The following CFI variants were observed in gnomAD, a reference collection of about 807,000 sequenced individuals.
CFI encodes the protein complement factor I, also known as C3B/C4B inactivator.
Under a neutral mutation model 78.8 loss-of-function variants are expected in CFI, and 66 were observed. The observed-to-expected ratio is 0.84, with a 90% CI of 0.69 to 1.03. The LOEUF is 1.03. Among genes scored for constraint, CFI ranks in the 50% least tolerant of loss-of-function variants. The pLI is 0.00. For missense variants in CFI, 706 were observed against 704.5 expected (o/e 1.00, Z -0.02); for synonymous variants, 250 against 232.6 (o/e 1.07, Z -0.68).
intron 1 of CFI, among the ~76,000 whole-genome samples, chr4:109,788,557 T>A (rs990229883): frequency 1.5e-4 from 23 of 152,134 alleles, no homozygotes; most frequent in African/African-American, 5.3e-4. Flanking sequence ...TCTTTATATA[T>A]TAAAGAAACC....
At chr4:109,756,381 A>G (rs560394753) in intron 7 of CFI, among the ~76,000 whole-genome samples, 15 of 96,902 alleles carry the variant, frequency 1.5e-4, no homozygotes, top group Non-Finnish European at 2.8e-4. Context: ...GGACGAGGGA[A>G]GAGATGGAAG....
Position 109,800,321 on chromosome 4 carries a change from GTTTTTTTTTTT to G in CFI, c.57+1583_57+1593del, listed in dbSNP as rs554145445. ...GTTGACTGAAATATTTGGCTTCTCT[GTTTTTTTTTTT>G]TTTTTTTTTTTTTTTTTGAGACAGG... On this transcript the variant is annotated intron_variant, in intron 1 of 12. Coordinates refer to ENST00000394634, the MANE Select transcript of CFI (RefSeq NM_000204.5). Among the ~76,000 whole-genome samples the G allele has an allele frequency of 1.2e-3, 57 of 48,826 alleles. 1 individual carries two copies. The South Asian group carries it at 0.034, about 29-fold the overall frequency. The allele number at this position is 48,826 out of a possible 152,430, so 32.0% of individuals were successfully genotyped here. A position where few individuals can be genotyped will look rare whatever the true frequency, so the allele number is the denominator to read the frequency against.
intron 1 of CFI, among the ~76,000 whole-genome samples, chr4:109,774,715 T>A (rs991436738): frequency 2.0e-5 from 3 of 152,112 alleles, no homozygotes; most frequent in African/African-American, 4.8e-5. Context: ...TAAAGGAGAC[T>A]GAGAATATGT....
chr4:109,770,879 C>T lies in CFI; in HGVS notation c.58-4055G>A, dbSNP rs113197615. 9.1e-4 allele frequency among the ~76,000 whole-genome samples: 138 copies of T among 152,160 alleles called. 1 individual carries two copies. The highest frequency in any genetic ancestry group is 3.2e-3 in the African/African-American group (132 of 41,502). On this transcript the variant is annotated intron_variant, in intron 1 of 12. Transcript: ENST00000394634. ...CCAGAAAAGCTTAGGAACTGGGGGA[C>T]CTAGTACCTCTGAAGAAGGAGTGGC...
chr4:109,788,740 G>C (rs1453176510), intron 1 of CFI, among the ~76,000 whole-genome samples: 1 of 151,852 alleles, frequency 6.6e-6, no homozygotes, highest in Non-Finnish European at 1.5e-5. Context: ...TTTTTAAATG[G>C]AAATTCAGAT....
chr4:109,793,281 G>A (rs1008473249), intron 1 of CFI: 1 of 152,084 alleles, frequency 6.6e-6, no homozygotes, highest in African/African-American at 2.4e-5. Context: ...TTATTGTCAT[G>A]TTACATCTTT....
At chr4:109,769,000 ATC>A (rs1196981838) in intron 1 of CFI, among the ~76,000 whole-genome samples, 1 of 152,014 alleles carries the variant, frequency 6.6e-6, no homozygotes, top group Non-Finnish European at 1.5e-5. Flanking sequence ...GGTTCCACGT[ATC>A]TCTTTTTGGC....
At chr4:109,752,863 T>C (rs528027198) in intron 7 of CFI, among the ~76,000 whole-genome samples, 19 of 133,328 alleles carry the variant, frequency 1.4e-4, no homozygotes, top group Admixed American at 6.5e-4. Flanking sequence ...GGGTGTTTTG[T>C]ATATATATAT....
downstream of CFI, among the ~76,000 whole-genome samples, chr4:109,739,347 T>C (rs1157202111): frequency 6.6e-6 from 1 of 151,950 alleles, no homozygotes; most frequent in Non-Finnish European, 1.5e-5. Flanking sequence ...GGTAGGGATG[T>C]AGCCAGAAGG....
intron 6 of CFI, 31 bp from the exon 7 acceptor site, chr4:109,757,814 A>T: frequency 7.6e-7 from 1 of 1,319,710 alleles, no homozygotes; most frequent in South Asian, 1.2e-5. Flanking sequence ...AAATTTATCA[A>T]AGGATAATTT....
At chr4:109,733,081 C>T in the CFI span, among the ~76,000 whole-genome samples, 1 of 151,802 alleles carries the variant, frequency 6.6e-6, no homozygotes, top group Non-Finnish European at 1.5e-5. Flanking sequence ...AAGCTATTTT[C>T]CTGCCTCAGC....
intron 1 of CFI, among the ~76,000 whole-genome samples, chr4:109,791,385 G>T (rs142627014): frequency 1.3e-5 from 2 of 151,224 alleles, no homozygotes; most frequent in African/African-American, 4.9e-5. Flanking sequence ...TCTCCCATCC[G>T]TAGGGTGTCT....
intron 9 of CFI, 67 bp from the exon 10 acceptor site, chr4:109,749,388 T>A: frequency 6.6e-7 from 1 of 1,518,838 alleles, no homozygotes; most frequent in Admixed American, 1.7e-5. Context: ...CCTAAGATAT[T>A]TCCATGGCAA....
intron 1 of CFI, among the ~76,000 whole-genome samples, chr4:109,775,363 G>A (rs1487228460): frequency 2.0e-5 from 3 of 152,224 alleles, no homozygotes; most frequent in Admixed American, 2.0e-4. Context: ...CCCGTGCCTG[G>A]CTCGGAGGGT....
intron 11 of CFI, among the ~76,000 whole-genome samples, chr4:109,744,713 C>A (rs1302994840): frequency 6.6e-6 from 1 of 152,128 alleles, no homozygotes; most frequent in Admixed American, 6.6e-5. Flanking sequence ...CTACGTATAT[C>A]TTTGTAATGA....
At chr4:109,766,436 G>GAA in intron 2 of CFI, 118 bp downstream of exon 2, 1 of 1,210,838 alleles carries the variant, frequency 8.3e-7, no homozygotes. Context: ...TGAGAGTCTA[G>GAA]AAAAAAATTT....
At chr4:109,752,284 AAGAATCAT>A (rs773875109) in intron 8 of CFI, among the ~76,000 whole-genome samples, 176 bp downstream of exon 8, 11 of 152,190 alleles carry the variant, frequency 7.2e-5, no homozygotes, top group Non-Finnish European at 1.0e-4. Flanking sequence ...AGCAATTCTC[AAGAATCAT>A]TTAAGCTTGC....
intron 1 of CFI, among the ~76,000 whole-genome samples, chr4:109,775,397 A>G (rs1729096058): frequency 1.3e-5 from 2 of 152,148 alleles, no homozygotes; most frequent in South Asian, 4.1e-4. Context: ...AGCCCCACTC[A>G]TTGCTAGCAC....
At chr4:109,770,684 A>G (rs1451251784) in intron 1 of CFI, among the ~76,000 whole-genome samples, 1 of 152,014 alleles carries the variant, frequency 6.6e-6, no homozygotes, top group Non-Finnish European at 1.5e-5. Context: ...AGCTCTGTTA[A>G]ATTGAGAATA....
Sources: allele counts gnomAD v4.1 joint callset (sites outside exome capture counted in the v4.1 genomes callset), GRCh38; gene constraint gnomAD v4.1.1; transcripts MANE v1.5; gene names NCBI Gene and HGNC (gene_info 2026-07-23, HGNC 2026-07-21).